Variants in GFRA1 observed in about 807,000 individuals in gnomAD.
GFRA1 encodes GDNF family receptor alpha-1.
Under a neutral mutation model 51.6 loss-of-function variants are expected in GFRA1, and 16 were observed. That is an observed-to-expected ratio of 0.31 (90% confidence interval 0.21 to 0.47). The LOEUF is 0.47. Among genes scored for constraint, GFRA1 ranks in the 20% least tolerant of loss-of-function variants. The probability of loss-of-function intolerance (pLI) is 1.00; values close to 1 mark genes in which losing one functional copy is unlikely to be tolerated. For synonymous variants in GFRA1, 270 were observed against 241.3 expected, an observed-to-expected ratio of 1.12 and a Z score of -1.10; for missense variants, 530 against 594.3, an observed-to-expected ratio of 0.89 and a Z score of 1.13.
intron 5 of GFRA1, among the ~76,000 whole-genome samples, chr10:116,165,201 G>T (rs1040953219): frequency 1.3e-5 from 2 of 152,044 alleles, no homozygotes. Flanking sequence ...CCTTTAACAC[G>T]TCCTAGTCCC....
intron 5 of GFRA1, 126 bp downstream of exon 5, chr10:116,211,503 GTC>G: frequency 1.2e-6 from 1 of 823,998 alleles, no homozygotes; most frequent in Non-Finnish European, 2.0e-6. Context: ...TCCTCATGGT[GTC>G]CCTGAGGGCC....
At chr10:116,189,085 T>C (rs1487729222) in intron 5 of GFRA1, among the ~76,000 whole-genome samples, 4 of 141,046 alleles carry the variant, frequency 2.8e-5, no homozygotes, top group Non-Finnish European at 6.1e-5. Flanking sequence ...GGAGACCTTG[T>C]CTCTTAAAAA....
In GFRA1 at chr10:116,062,832, T is replaced by A. The variant is rs1403147638; in HGVS notation, c.*1566A>T. On this transcript the variant is annotated 3_prime_UTR_variant, in exon 11 of 11. Coordinates refer to ENST00000355422, the MANE Select transcript of GFRA1 (RefSeq NM_005264.8). Reference sequence around the variant, plus strand: ...AGTTAAGAAAGAGAATAATGGAAGATGATAAGTGGTTAGCAAAGCCAGATG... The same window carrying A: ...AGTTAAGAAAGAGAATAATGGAAGAAGATAAGTGGTTAGCAAAGCCAGATG... 1 of 152,242 alleles carries A rather than the reference T, an allele frequency of 6.6e-6. No individual in the cohort carries two copies. Among genetic ancestry groups the A allele is most frequent in the Non-Finnish European group, 1.5e-5 (1 of 68,048 alleles). The allele number at this position is 152,242 out of a possible 1,614,324, so 9.4% of individuals were successfully genotyped here.
Position 116,272,193 on chromosome 10 carries a change from C to G in GFRA1, c.-164G>C. ...AAAGAGGAAACTCCGGGTCTGGCAG[C>G]AGCCACCGCCGCCGGCGACTCAGCT... On this transcript the variant is annotated 5_prime_UTR_variant, in exon 2 of 11. Transcript: ENST00000355422. The surrounding 1 kb of genome is among the most constrained non-coding windows in gnomAD (Gnocchi z 4.4). 1.5e-6 allele frequency: 1 copy of G among 684,038 alleles called. No individual in the cohort carries two copies. The highest frequency in any genetic ancestry group is 2.5e-6 in the Non-Finnish European group (1 of 393,196). 42.4% of individuals were successfully genotyped at this position (684,038 alleles called of 1,614,324 possible).
At chr10:116,112,159 G>A (rs555459059) in intron 6 of GFRA1, among the ~76,000 whole-genome samples, 6 of 151,918 alleles carry the variant, frequency 3.9e-5, no homozygotes, top group East Asian at 1.9e-4. Context: ...ATTTCCATTC[G>A]ATTTTGTCCA....
At position 116,163,909 on chromosome 10, in the gene GFRA1, G is replaced by C. The variant is rs186872505; in HGVS notation, c.434-38352C>G. ...CTGTCCCAGCACCACGGAGATGTTA[G>C]ACATGGGATGCCACCAGATCTTGCG... On this transcript the variant is annotated intron_variant, in intron 5 of 10. Coordinates refer to ENST00000355422, the MANE Select transcript of GFRA1 (RefSeq NM_005264.8). 6.6e-5 allele frequency among the ~76,000 whole-genome samples: 10 copies of C among 152,326 alleles called. No individual in the cohort carries two copies. In the East Asian group the frequency reaches 1.9e-3, roughly 29 times the overall value.
chr10:116,062,193 T>C lies in GFRA1; in HGVS notation c.*2205A>G, dbSNP rs1051130593. The C allele has an allele frequency of 5.0e-6, 2 of 398,544 alleles. No individual in the cohort carries two copies. Among genetic ancestry groups the C allele is most frequent in the Admixed American group, 8.8e-5 (2 of 22,732 alleles). 24.7% of individuals were successfully genotyped at this position (398,544 alleles called of 1,614,324 possible). A position where few individuals can be genotyped will look rare whatever the true frequency, so the allele number is the denominator to read the frequency against. On this transcript the variant is annotated 3_prime_UTR_variant, in exon 11 of 11. Transcript: ENST00000355422. ...ACTGCAGAAGTAATCAGTAGCTTTC[T>C]ACAGTGGATCACATAGAATCAGATC...
intron 4 of GFRA1, among the ~76,000 whole-genome samples, chr10:116,231,508 A>G (rs2134567068): frequency 6.6e-6 from 1 of 152,348 alleles, no homozygotes; most frequent in East Asian, 1.9e-4. Flanking sequence ...TTGAATTCAA[A>G]TTATATAATC....
At chr10:116,188,141 C>A (rs17094331) in intron 5 of GFRA1, among the ~76,000 whole-genome samples, 1 of 151,996 alleles carries the variant, frequency 6.6e-6, no homozygotes, top group Non-Finnish European at 1.5e-5. Context: ...AAGAGGGAAG[C>A]GGACTTGTTC....
In GFRA1 at chr10:116,057,520, C is replaced by G. The variant is rs753681144; in HGVS notation, c.*6878G>C. The G allele has an allele frequency of 6.6e-6, 1 of 152,114 alleles. No individual in the cohort carries two copies. The highest frequency in any genetic ancestry group is 1.5e-5 in the Non-Finnish European group (1 of 68,002). The allele number at this position is 152,114 out of a possible 1,614,324, so 9.4% of individuals were successfully genotyped here. A position where few individuals can be genotyped will look rare whatever the true frequency, so the allele number is the denominator to read the frequency against. The stretch of plus-strand genomic sequence containing the variant: ...CATCCAAAAGAGTACAAGAAAAAAA[C>G]CCCACAGCCTAAATCTCACACAGCT... On this transcript the variant is annotated 3_prime_UTR_variant, in exon 11 of 11. Coordinates refer to ENST00000355422, the MANE Select transcript of GFRA1 (RefSeq NM_005264.8).
At chr10:116,122,234 A>G (rs1957676484) in intron 6 of GFRA1, among the ~76,000 whole-genome samples, 1 of 152,180 alleles carries the variant, frequency 6.6e-6, no homozygotes, top group Non-Finnish European at 1.5e-5. Context: ...CCAGAGCCAG[A>G]AACGTGGCAG....
chr10:116,194,066 T>TAAAAAA (rs1051845471), intron 5 of GFRA1, among the ~76,000 whole-genome samples: 16 of 26,980 alleles, frequency 5.9e-4, no homozygotes, highest in Admixed American at 1.0e-3. Context: ...AAATAAAATT[T>TAAAAAA]AAAAAAAAAA....
intron 5 of GFRA1, among the ~76,000 whole-genome samples, chr10:116,147,206 A>C (rs971060012): frequency 2.0e-5 from 3 of 152,276 alleles, no homozygotes; most frequent in Non-Finnish European, 2.9e-5. Context: ...CAGAGACAGA[A>C]ACAGAGAACA....
chr10:116,167,084 C>T (rs1960532797), intron 5 of GFRA1, among the ~76,000 whole-genome samples: 1 of 152,046 alleles, frequency 6.6e-6, no homozygotes, highest in Non-Finnish European at 1.5e-5. Context: ...CAGGTGTGAG[C>T]CACCGTGCCC....
intron 8 of GFRA1, among the ~76,000 whole-genome samples, chr10:116,090,729 GTTT>G (rs370976039): frequency 6.6e-6 from 1 of 151,122 alleles, no homozygotes; most frequent in South Asian, 2.1e-4. Context: ...TGGATTTAGG[GTTT>G]TTTTTTATTT....
chr10:116,259,742 AAC>A (rs1969161479), intron 4 of GFRA1, among the ~76,000 whole-genome samples: 1 of 152,218 alleles, frequency 6.6e-6, no homozygotes, highest in South Asian at 2.1e-4. Flanking sequence ...CAGTAGAAAG[AAC>A]ACAGGTTTTG....
At chr10:116,141,570 C>T (rs1443854164) in intron 5 of GFRA1, among the ~76,000 whole-genome samples, 1 of 151,548 alleles carries the variant, frequency 6.6e-6, no homozygotes, top group African/African-American at 2.4e-5. Context: ...GGACCTATGT[C>T]CTCTTCTTTT....
chr10:116,117,746 G>T (rs1452532605), intron 6 of GFRA1, among the ~76,000 whole-genome samples: 1 of 152,158 alleles, frequency 6.6e-6, no homozygotes, highest in Non-Finnish European at 1.5e-5. Context: ...TGGATGAATG[G>T]AAAACTGAAT....
chr10:116,218,139 G>A (rs561425009), intron 4 of GFRA1, among the ~76,000 whole-genome samples: 2 of 152,250 alleles, frequency 1.3e-5, no homozygotes, highest in South Asian at 2.1e-4. Flanking sequence ...AAGAGGTTGC[G>A]GTTAGAACCC....
Sources: gnomAD v4.1 joint callset for allele counts (sites outside exome capture counted in the v4.1 genomes callset) on GRCh38, gnomAD v4.1.1 for gene constraint, Gnocchi (gnomAD v3.1) non-coding constraint, MANE v1.5 for transcripts, NCBI Gene and HGNC (gene_info 2026-07-23, HGNC 2026-07-21) for gene names.